The following SPC24 variants were observed in gnomAD, a reference collection of about 807,000 sequenced individuals.
The protein encoded by SPC24 is kinetochore protein Spc24.
In SPC24, 31 loss-of-function variants were observed where a neutral mutation model predicts 27.6. That is an observed-to-expected ratio of 1.12 (90% confidence interval 0.84 to 1.52). SPC24 has a LOEUF of 1.52. SPC24 is among the 40% of genes most tolerant of loss of function. SPC24 has a pLI of 0.00. For missense variants in SPC24, 284 were observed against 252.5 expected (o/e 1.12, Z -0.84); for synonymous variants, 105 against 105.8 (o/e 0.99, Z 0.05).
chr19:11,154,050 G>A (rs532896592), intron 1 of SPC24, among the ~76,000 whole-genome samples: 1 of 148,414 alleles, frequency 6.7e-6, no homozygotes, highest in South Asian at 2.2e-4. Context: ...CTCCAGCCTG[G>A]GTGACAGAGC....
chr19:11,149,073 T>A, intron 2 of SPC24, 21 bp downstream of exon 2: 1 of 1,480,312 alleles, frequency 6.8e-7, no homozygotes, highest in Non-Finnish European at 9.0e-7. Flanking sequence ...GCAAGGCTGA[T>A]CCCCTAGCAG....
chr19:11,150,017 C>G (rs943730360), intron 1 of SPC24, among the ~76,000 whole-genome samples: 4 of 150,562 alleles, frequency 2.7e-5, no homozygotes, highest in African/African-American at 9.7e-5. Context: ...GCAACCCTGT[C>G]AATATTAAAA....
intron 3 of SPC24, 50 bp downstream of exon 3, chr19:11,147,963 C>T (rs750536151): frequency 1.3e-6 from 2 of 1,597,396 alleles, no homozygotes; most frequent in East Asian, 2.2e-5. Context: ...CAACCAAGAG[C>T]CGGACTGCAC....
chr19:11,147,825 G>C lies in SPC24; in HGVS notation c.480C>G (p.Val160=), dbSNP rs1357636476. 1 of 1,607,264 alleles carries C rather than the reference G, an allele frequency of 6.2e-7. No individual in the cohort carries two copies. Among genetic ancestry groups the C allele is most frequent in the Non-Finnish European group, 8.5e-7 (1 of 1,178,556 alleles). ...GCTCCCCAAAAAGGATACTGCCTTT[G>C]ACCATCCCTGGCTCACACTCATAAT... is the stretch of plus-strand genomic sequence containing the variant. The part of the protein sequence containing the change: ...EWDYECEPGM[V]KGIHHGPSVA... The change falls in exon 4 of 5, where the codon GTC becomes GTG. Residue 160 remains valine (V), a synonymous_variant. Coordinates refer to ENST00000592540, the MANE Select transcript of SPC24 (RefSeq NM_182513.4).
At position 11,145,641 on chromosome 19, in the gene SPC24, A is replaced by G. The variant is rs565010459; in HGVS notation, c.*1542T>C. ...TGTGCTGATATCTGGCTCTGCCATC[A>G]TCAGGGAACCAGGCTCCTGTCATCC... is the stretch of plus-strand genomic sequence containing the variant. On this transcript the variant is annotated 3_prime_UTR_variant, in exon 5 of 5. Coordinates refer to ENST00000592540, the MANE Select transcript of SPC24 (RefSeq NM_182513.4). 9.2e-5 allele frequency: 14 copies of G among 152,308 alleles called. No homozygotes were observed. Among genetic ancestry groups the G allele is most frequent in the African/African-American group, 3.4e-4 (14 of 41,568 alleles). The allele number at this position is 152,308 out of a possible 1,614,324, so 9.4% of individuals were successfully genotyped here.
At position 11,152,611 on chromosome 19, in the gene SPC24, T is replaced by C. The variant is rs552467174; in HGVS notation, c.160+3006A>G. 2.6e-5 allele frequency among the ~76,000 whole-genome samples: 4 copies of C among 152,256 alleles called. No homozygotes were observed. The South Asian group carries it at 8.3e-4, about 32-fold the overall frequency. ...GCCCACAGGTACATAGCTCCAAACC[T>C]AGGATGTGAACTGGATCTGTTTGAC... is the stretch of plus-strand genomic sequence containing the variant. On this transcript the variant is annotated intron_variant, in intron 1 of 4. Coordinates refer to ENST00000592540, the MANE Select transcript of SPC24 (RefSeq NM_182513.4).
At chr19:11,153,121 C>T (rs192859338) in intron 1 of SPC24, among the ~76,000 whole-genome samples, 1 of 152,046 alleles carries the variant, frequency 6.6e-6, no homozygotes, top group Non-Finnish European at 1.5e-5. Flanking sequence ...ACCATTTGAT[C>T]TGCTTCTGGC....
rs1266298523 is a variant in SPC24, at chr19:11,149,182, C to T, written c.217G>A (p.Val73Met). 6.4e-7 allele frequency: 1 copy of T among 1,550,774 alleles called. No individual in the cohort carries two copies. The highest frequency in any genetic ancestry group is 1.2e-5 in the South Asian group (1 of 83,976). ...AQSLLNAKEQVHQGGVELQQL... is the reference protein window; with the variant it reads ...AQSLLNAKEQMHQGGVELQQL... ...TGCAGCTCCACGCCTCCCTGGTGCA[C>T]CTGCTCCTTCGCATTGAGAAGGCTC... The change falls in exon 2 of 5, where the codon GTG becomes ATG. Residue 73 changes from valine (V) to methionine (M), a missense_variant. By Grantham distance (21) the Val-to-Met change is conservative. Transcript: ENST00000592540.
At chr19:11,153,699 G>A (rs1465016029) in intron 1 of SPC24, among the ~76,000 whole-genome samples, 5 of 150,208 alleles carry the variant, frequency 3.3e-5, no homozygotes, top group Non-Finnish European at 5.9e-5. Context: ...GGCATAGGTC[G>A]CAGTGAGCAG....
chr19:11,149,100 C>G lies in SPC24; in HGVS notation c.299G>C (p.Ser100Thr), dbSNP rs2077850743. 2 of 1,530,302 alleles carry G rather than the reference C, an allele frequency of 1.3e-6. No homozygotes were observed. Among genetic ancestry groups the G allele is most frequent in the Non-Finnish European group, 1.8e-6 (2 of 1,139,322 alleles). The allele number at this position is 1,530,302 out of a possible 1,614,324, so 94.8% of individuals were successfully genotyped here. A position where few individuals can be genotyped will look rare whatever the true frequency, so the allele number is the denominator to read the frequency against. The part of the protein sequence containing the change: ...AGEEDTRLKA[S>T]LLQLTRELEE... ...CCCTAGCAGAAAAGGATATAGGAGG[C>G]TGGCCTTCAGACGGGTGTCCTCCTC... Residue 100 changes from serine (S) to threonine (T), a missense_variant, in exon 2 of 5, where the codon AGC becomes ACC. Coordinates refer to ENST00000592540, the MANE Select transcript of SPC24 (RefSeq NM_182513.4).
intron 1 of SPC24, among the ~76,000 whole-genome samples, chr19:11,151,239 G>A (rs1016804375): frequency 6.7e-6 from 1 of 150,262 alleles, no homozygotes; most frequent in African/African-American, 2.4e-5. Context: ...TTTTTAATCA[G>A]AGTATGACAT....
At chr19:11,149,430 C>T (rs1353878699) in intron 1 of SPC24, 192 bp from the exon 2 acceptor site, 4 of 434,428 alleles carry the variant, frequency 9.2e-6, no homozygotes, top group Non-Finnish European at 1.2e-5. Context: ...AAAAATAAAG[C>T]CTCGTCCTTC....
chr19:11,148,296 C>T (rs2077844907), intron 2 of SPC24, among the ~76,000 whole-genome samples, 179 bp from the exon 3 acceptor site: 1 of 152,106 alleles, frequency 6.6e-6, no homozygotes, highest in African/African-American at 2.4e-5. Flanking sequence ...CAACCTCTGC[C>T]TCCCAGGCTG....
At chr19:11,152,853 C>G (rs17001186) in intron 1 of SPC24, among the ~76,000 whole-genome samples, 7,908 of 151,964 alleles carry the variant, frequency 0.052, 546 homozygotes, top group African/African-American at 0.16. Flanking sequence ...TGGGCACTCT[C>G]CAGGCCTGGC....
chr19:11,151,757 C>G (rs1225121765), intron 1 of SPC24, among the ~76,000 whole-genome samples: 1 of 149,318 alleles, frequency 6.7e-6, no homozygotes. Flanking sequence ...TTACAGGCAC[C>G]CACCACCACG....
rs769231752 is a variant in SPC24 at position 11,147,853 on chromosome 19, C to T, written c.452G>A (p.Trp151Ter). 6.2e-7 allele frequency: 1 copy of T among 1,609,876 alleles called. No homozygotes were observed. ...CATCCCTGGCTCACACTCATAATCCCACTCAATTTTACTAACTTGGTGGTA... is the reference window on the plus strand; with the variant it reads ...CATCCCTGGCTCACACTCATAATCCTACTCAATTTTACTAACTTGGTGGTA... ...QLYHQVSKIE[W>*]DYECEPGMVK... Residue 151 changes from tryptophan to a stop codon, truncating the protein, a stop_gained, in exon 4 of 5, where the codon TGG (tryptophan) becomes TAG (stop). Coordinates refer to ENST00000592540, the MANE Select transcript of SPC24 (RefSeq NM_182513.4). LOFTEE classifies it high-confidence loss of function.
Position 11,148,113 on chromosome 19 carries a change from G to T in SPC24, c.310C>A (p.Leu104Ile). 6.2e-7 allele frequency: 1 copy of T among 1,612,946 alleles called. No homozygotes were observed. Among genetic ancestry groups the T allele is most frequent in the Non-Finnish European group, 8.5e-7 (1 of 1,179,270 alleles). ...DTRLKASLLQ[L>I]TRELEELKEI... ...TTGAGCTCTTCCAGCTCTCTGGTGA[G>T]CTGAGTAGGGCAGGTCGTTAAGGAC... Residue 104 changes from leucine (L) to isoleucine (I), a missense_variant, in exon 3 of 5, where the codon CTC (leucine) becomes ATC (isoleucine). Physicochemically the swap from Leu to Ile is conservative, Grantham distance 5 (BLOSUM62 2). Transcript: ENST00000592540.
intron 1 of SPC24, among the ~76,000 whole-genome samples, chr19:11,150,410 T>C (rs181276846): frequency 1.3e-5 from 2 of 150,276 alleles, no homozygotes; most frequent in Admixed American, 6.6e-5. Flanking sequence ...CACTTGAACC[T>C]GGGAGGCGGA....
At position 11,147,275 on chromosome 19, in the gene SPC24, T is replaced by C; in HGVS notation, c.502A>G (p.Ser168Gly). 2 of 1,566,450 alleles carry C rather than the reference T, an allele frequency of 1.3e-6. No individual in the cohort carries two copies. The highest frequency in any genetic ancestry group is 1.7e-6 in the Non-Finnish European group (2 of 1,155,004). ...GMVKGIHHGP[S>G]VAQPIHLDST... ...TCCAGGTGGATGGGCTGGGCCACAC[T>C]GGGGCCATGATGGACTGAGGCACAG... Residue 168 changes from serine to glycine, a missense_variant, in exon 5 of 5, where the codon AGT becomes GGT. By Grantham distance (56) the Ser-to-Gly change is moderately conservative. Coordinates refer to ENST00000592540, the MANE Select transcript of SPC24 (RefSeq NM_182513.4).
Sources: gnomAD v4.1 joint callset for allele counts (sites outside exome capture counted in the v4.1 genomes callset) on GRCh38, gnomAD v4.1.1 for gene constraint, MANE v1.5 for transcripts, NCBI Gene and HGNC (gene_info 2026-07-23, HGNC 2026-07-21) for gene names.